Variants in SH3TC2 observed in about 807,000 individuals in gnomAD.
SH3TC2 encodes SH3 domain and tetratricopeptide repeat-containing protein 2.
SH3TC2 carries 87 observed loss-of-function variants against 124.5 expected under a neutral mutation model. The observed-to-expected ratio is 0.70, with a 90% CI of 0.59 to 0.84. The LOEUF is 0.84. SH3TC2 is among the 40% of genes least tolerant of loss of function. The pLI, the probability that SH3TC2 is intolerant of heterozygous loss-of-function variation, is 0.00. For synonymous variants in SH3TC2, 634 were observed against 628.5 expected, an observed-to-expected ratio of 1.01 and a Z score of -0.13; for missense variants, 1,536 against 1,566.4, an observed-to-expected ratio of 0.98 and a Z score of 0.33.
intron 15 of SH3TC2, chr5:149,007,489 G>C (rs1487392620): frequency 3.4e-5 from 13 of 377,804 alleles, no homozygotes; most frequent in Non-Finnish European, 1.9e-5. Context: ...TAGCTTGATG[G>C]AGTAGCTAAG....
intron 15 of SH3TC2, chr5:149,008,347 T>C (rs553094989): frequency 5.3e-4 from 105 of 197,742 alleles, no homozygotes; most frequent in African/African-American, 2.4e-3. Flanking sequence ...TCAGCTATGT[T>C]CTGAGTTAGG....
intron 12 of SH3TC2, among the ~76,000 whole-genome samples, chr5:149,025,524 T>C (rs2127396565): frequency 6.6e-6 from 1 of 152,348 alleles, no homozygotes; most frequent in South Asian, 2.1e-4. Context: ...TAGAAGTCAT[T>C]TATAATTATG....
At chr5:149,029,164 TTC>T (rs1476606263) in intron 9 of SH3TC2, among the ~76,000 whole-genome samples, 1 of 152,198 alleles carries the variant, frequency 6.6e-6, no homozygotes, top group Non-Finnish European at 1.5e-5. Flanking sequence ...TGCCTCCCAC[TTC>T]TAAATGTATC....
chr5:149,029,083 A>C (rs546317774), intron 9 of SH3TC2, among the ~76,000 whole-genome samples: 1 of 152,220 alleles, frequency 6.6e-6, no homozygotes, highest in South Asian at 2.1e-4. Context: ...GCAGCTCCCA[A>C]ATCTCTCAGC....
In SH3TC2 at chr5:148,994,284, C is replaced by T. The variant is rs1753467569; in HGVS notation, c.*10427G>A. On this transcript the variant is annotated 3_prime_UTR_variant, in exon 17 of 17. Transcript: ENST00000515425. ...TAACCTCTTTGAACTCATTTCTTCA[C>T]ATGTGTTATGTGAATAACTATACAA... Among the ~76,000 whole-genome samples the T allele has an allele frequency of 6.6e-6, 1 of 152,226 alleles. No individual in the cohort carries two copies. The highest frequency in any genetic ancestry group is 1.5e-5 in the Non-Finnish European group (1 of 68,042).
rs1054334556 is a variant in SH3TC2 at position 148,996,056 on chromosome 5, A to G, written c.*8655T>C. Among the ~76,000 whole-genome samples the G allele has an allele frequency of 2.0e-5, 3 of 151,862 alleles. No homozygotes were observed. Among genetic ancestry groups the G allele is most frequent in the Admixed American group, 6.6e-5 (1 of 15,174 alleles). ...CAGGAGTTTGAGACTAGCATGGGCAACATGGTGGAAACCCATCTCTACAAA... is the reference window on the plus strand; with the variant it reads ...CAGGAGTTTGAGACTAGCATGGGCAGCATGGTGGAAACCCATCTCTACAAA... On this transcript the variant is annotated 3_prime_UTR_variant, in exon 17 of 17. Transcript: ENST00000515425.
rs1165470594 is a variant in SH3TC2, at chr5:149,027,131, C to T, written c.2601G>A (p.Gln867=). 1 of 1,614,148 alleles carries T rather than the reference C, an allele frequency of 6.2e-7. No individual in the cohort carries two copies. Among genetic ancestry groups the T allele is most frequent in the South Asian group, 1.1e-5 (1 of 91,084 alleles). ...KSYLRALNRA[Q]EVGDVHNQAV... is the part of the protein sequence containing the mutation. ...CCTGGTTATGCACATCTCCCACCTC[C>T]TGGGCTCTGTTCAAGGCCCGAAGAT... Residue 867 remains glutamine, a synonymous_variant, in exon 11 of 17, where the codon CAG becomes CAA. Transcript: ENST00000515425.
rs533789534 is a variant in SH3TC2, at chr5:149,017,299, T to C, written c.3054-4565A>G. 5.9e-5 allele frequency among the ~76,000 whole-genome samples: 9 copies of C among 152,212 alleles called. No individual in the cohort carries two copies. In the East Asian group the frequency reaches 7.7e-4, roughly 13 times the overall value. The stretch of plus-strand genomic sequence containing the variant: ...ATGGACCCCATCCGGCTCAGTTCTA[T>C]GGCCAGTCTGTGTTGTGTCACCTCA... On this transcript the variant is annotated intron_variant, in intron 12 of 16. Transcript: ENST00000515425.
At chr5:149,007,356 G>C in intron 15 of SH3TC2, 1 of 596,028 alleles carries the variant, frequency 1.7e-6, no homozygotes, top group East Asian at 2.8e-5. Flanking sequence ...GTAGAGGATG[G>C]GTCAAGGTTT....
intron 4 of SH3TC2, 104 bp from the exon 5 acceptor site, chr5:149,042,941 CA>C: frequency 7.4e-7 from 1 of 1,357,142 alleles, no homozygotes; most frequent in Non-Finnish European, 1.0e-6. Context: ...TCCCAGACCA[CA>C]AGCCCCAACC....
In SH3TC2 at chr5:149,028,015, T is replaced by G. The variant is rs200635841; in HGVS notation, c.1717A>C (p.Ile573Leu). ...EDLSLVATLY[I>L]NLAAIYLKQR... ...TTCAGGTAGATGGCAGCCAAATTGATGTACAGAGTGGCCACCAAGGATAGG... is the reference window on the plus strand; with the variant it reads ...TTCAGGTAGATGGCAGCCAAATTGAGGTACAGAGTGGCCACCAAGGATAGG... Residue 573 changes from isoleucine (I) to leucine (L), a missense_variant, in exon 11 of 17, where the codon ATC (isoleucine) becomes CTC (leucine). By Grantham distance (5) the Ile-to-Leu change is conservative (BLOSUM62 2). Coordinates refer to ENST00000515425, the MANE Select transcript of SH3TC2 (RefSeq NM_024577.4). 1.2e-6 allele frequency: 2 copies of G among 1,614,176 alleles called. No individual in the cohort carries two copies. The highest frequency in any genetic ancestry group is 2.2e-5 in the East Asian group (1 of 44,884).
At chr5:149,023,350 T>C (rs1200604196) in intron 12 of SH3TC2, among the ~76,000 whole-genome samples, 2 of 152,166 alleles carry the variant, frequency 1.3e-5, no homozygotes, top group Non-Finnish European at 2.9e-5. Context: ...TATTATGTAA[T>C]AGACATTTTA....
intron 2 of SH3TC2, among the ~76,000 whole-genome samples, chr5:149,049,809 T>C (rs909879682): frequency 9.2e-5 from 14 of 151,754 alleles, no homozygotes; most frequent in Admixed American, 6.6e-4. Flanking sequence ...GCTTCCTAAA[T>C]AACATCGTGG....
In SH3TC2 at chr5:148,983,885, G is replaced by C. The variant is rs1490625937; in HGVS notation, c.*20826C>G. On this transcript the variant is annotated 3_prime_UTR_variant, in exon 17 of 17. Coordinates refer to ENST00000515425, the MANE Select transcript of SH3TC2 (RefSeq NM_024577.4). ...ACTGCATGAAGCTTAGGAATGAACA[G>C]GGAAAGCACATCCAAGAGATGGTGA... 6.6e-6 allele frequency among the ~76,000 whole-genome samples: 1 copy of C among 152,162 alleles called. No homozygotes were observed. The highest frequency in any genetic ancestry group is 1.9e-4 in the East Asian group (1 of 5,190).
In SH3TC2 at chr5:149,010,285, T is replaced by C. The variant is rs369131151; in HGVS notation, c.3312A>G (p.Ala1104=). The C allele has an allele frequency of 6.2e-6, 10 of 1,614,252 alleles. No homozygotes were observed. In the African/African-American group the frequency reaches 1.3e-4, roughly 22 times the overall value. The change falls in exon 14 of 17, where the codon GCA becomes GCG. Residue 1104 remains alanine, a synonymous_variant. Transcript: ENST00000515425. ...TTGGACTTACTCGGTAGTACTCCAC[T>C]GCATGATGCCTGTGGCGGGTCCCAT... The part of the protein sequence containing the change: ...FFNGTRHRHH[A]VEYYRAGAVP...
At chr5:149,008,554 C>T (rs1050226714) in intron 15 of SH3TC2, 17 of 484,594 alleles carry the variant, frequency 3.5e-5, no homozygotes, top group African/African-American at 3.3e-4. Flanking sequence ...GCACAGGCAA[C>T]ACTTACCAAG....
chr5:149,044,830 G>A, intron 3 of SH3TC2, 192 bp from the exon 4 acceptor site: 1 of 568,292 alleles, frequency 1.8e-6, no homozygotes, highest in Non-Finnish European at 3.2e-6. Context: ...TCCATAAAGT[G>A]AAATATTGTA....
rs1422825066 is a variant in SH3TC2, at chr5:148,987,587, T to C, written c.*17124A>G. On this transcript the variant is annotated 3_prime_UTR_variant, in exon 17 of 17. Coordinates refer to ENST00000515425, the MANE Select transcript of SH3TC2 (RefSeq NM_024577.4). The stretch of plus-strand genomic sequence containing the variant: ...CATATTTGGCTGGGTTTCTCACCTA[T>C]AGCATTTTCAAAGAGTCTCACTATA... Among the ~76,000 whole-genome samples the C allele has an allele frequency of 2.0e-5, 3 of 152,212 alleles. No individual in the cohort carries two copies. The highest frequency in any genetic ancestry group is 7.2e-5 in the African/African-American group (3 of 41,440).
chr5:149,042,999 T>C lies in SH3TC2; in HGVS notation c.386-162A>G, dbSNP rs558380804. Among the ~76,000 whole-genome samples, 11 of 152,332 alleles carry C rather than the reference T, an allele frequency of 7.2e-5. 1 individual carries two copies. In the South Asian group the frequency reaches 1.0e-3, roughly 14 times the overall value. ...ACAACATAAGAGGCAAAGCCAGACA[T>C]TTTCTAGAATGAGTTGAGTCTTCTC... On this transcript the variant is annotated intron_variant, in intron 4 of 16. Coordinates refer to ENST00000515425, the MANE Select transcript of SH3TC2 (RefSeq NM_024577.4).
Sources: allele counts gnomAD v4.1 joint callset (sites outside exome capture counted in the v4.1 genomes callset), GRCh38; gene constraint gnomAD v4.1.1; transcripts MANE v1.5; gene names NCBI Gene and HGNC (gene_info 2026-07-23, HGNC 2026-07-21).